RPL13: variants seen among roughly 807,000 people sequenced by gnomAD.
RPL13 encodes the protein ribosomal protein L13.
Under a neutral mutation model 21.4 loss-of-function variants are expected in RPL13, and 1 was observed. That is an observed-to-expected ratio of 0.05 (90% confidence interval 0.02 to 0.22). The LOEUF (loss-of-function observed/expected upper bound fraction) is 0.22, where lower values mean the gene tolerates loss of function less well. Ranked by LOEUF, RPL13 falls within the 10% of genes least tolerant of loss-of-function variation. RPL13 has a pLI of 1.00. For synonymous variants in RPL13, 143 were observed against 120.5 expected (o/e 1.19, Z -1.23); for missense variants, 289 against 303.0 (o/e 0.95, Z 0.34).
chr16:89,562,100 G>C (rs1021378663), intron 4 of RPL13: 1 of 593,422 alleles, frequency 1.7e-6, no homozygotes, highest in African/African-American at 1.9e-5. Flanking sequence ...TCTCTGCCCC[G>C]CCCGTGGTTC....
At chr16:89,561,544 G>C in intron 3 of RPL13, 34 bp from the exon 4 acceptor site, 1 of 1,613,270 alleles carries the variant, frequency 6.2e-7, no homozygotes, top group Non-Finnish European at 8.5e-7. Flanking sequence ...AGAAAGCCCG[G>C]GCCTGTCTCC....
chr16:89,562,104 G>T, intron 4 of RPL13: 2 of 595,936 alleles, frequency 3.4e-6, no homozygotes, highest in South Asian at 2.1e-5. Flanking sequence ...TGCCCCGCCC[G>T]TGGTTCACAG....
chr16:89,563,131 C>G lies in RPL13; in HGVS notation c.*89C>G. On this transcript the variant is annotated 3_prime_UTR_variant, in exon 6 of 6. Coordinates refer to ENST00000311528, the MANE Select transcript of RPL13 (RefSeq NM_000977.4). ...GGGAACAACTGGGCCTGGGATGGGG[C>G]TTCACTGCTGTGACTTCCTCCTGCC... The G allele has an allele frequency of 7.9e-7, 1 of 1,265,696 alleles. No homozygotes were observed. Among genetic ancestry groups the G allele is most frequent in the Non-Finnish European group, 1.0e-6 (1 of 965,352 alleles). 78.4% of individuals were successfully genotyped at this position (1,265,696 alleles called of 1,614,324 possible). A position where few individuals can be genotyped will look rare whatever the true frequency, so the allele number is the denominator to read the frequency against.
At chr16:89,566,123 G>A (rs1296144713), downstream of RPL13, 1 of 149,136 alleles carries the variant, frequency 6.7e-6, no homozygotes, top group African/African-American at 2.4e-5. Context: ...TTCATCTCTG[G>A]GGCAGCCTCC....
In RPL13 at chr16:89,563,621, G is replaced by T. The variant is rs1469248264; in HGVS notation, c.*579G>T. ...TCTTCGGCACCCAGGCTGGAGTACA[G>T]TGCCACAATCATGGCTCACTGCAGT... On this transcript the variant is annotated 3_prime_UTR_variant, in exon 6 of 6. Coordinates refer to ENST00000311528, the MANE Select transcript of RPL13 (RefSeq NM_000977.4). 1.3e-5 allele frequency: 2 copies of T among 151,056 alleles called. No homozygotes were observed. Among genetic ancestry groups the T allele is most frequent in the African/African-American group, 4.9e-5 (2 of 41,170 alleles). 9.4% of individuals were successfully genotyped at this position (151,056 alleles called of 1,614,324 possible).
rs572460923 is a variant in RPL13, at chr16:89,562,786, C to T, written c.478-98C>T. 1,803 of 1,297,084 alleles carry T rather than the reference C, an allele frequency of 1.4e-3. 6 individuals are homozygous for T. Among genetic ancestry groups the T allele is most frequent in the Middle Eastern group, 2.9e-3 (14 of 4,834 alleles). 80.3% of individuals were successfully genotyped at this position (1,297,084 alleles called of 1,614,324 possible). A position where few individuals can be genotyped will look rare whatever the true frequency, so the allele number is the denominator to read the frequency against. Reference sequence around the variant, plus strand: ...GCAGTACTTATGGCAGCGAACCTGACCCCCAATCCCCGGGAGGTCCTCCAG... The same window carrying T: ...GCAGTACTTATGGCAGCGAACCTGATCCCCAATCCCCGGGAGGTCCTCCAG... On this transcript the variant is annotated intron_variant, in intron 5 of 5. Transcript: ENST00000311528.
In RPL13 at chr16:89,561,067, A is replaced by G. The variant is rs1196275301; in HGVS notation, c.104+4A>G. ...AGCCGGCCCGTAAGATCCGCAGGTG[A>G]GCCCTGCGCTCGGGGCTGCCCCTGG... On this transcript the variant is annotated splice_donor_region_variant and intron_variant, in intron 2 of 5. Transcript: ENST00000311528. 5 of 1,602,550 alleles carry G rather than the reference A, an allele frequency of 3.1e-6. No homozygotes were observed. The highest frequency in any genetic ancestry group is 1.4e-5 in the African/African-American group (1 of 73,348).
Position 89,563,051 on chromosome 16 carries a change from T to C in RPL13, c.*9T>C. ...TTGAAAAGAAAAAATAAAGCCCTCC[T>C]GGGGACTTGGAATCAGTCGGCAGTC... On this transcript the variant is annotated 3_prime_UTR_variant, in exon 6 of 6. Coordinates refer to ENST00000311528, the MANE Select transcript of RPL13 (RefSeq NM_000977.4). The C allele has an allele frequency of 6.7e-7, 1 of 1,500,316 alleles. No homozygotes were observed. The highest frequency in any genetic ancestry group is 8.9e-7 in the Non-Finnish European group (1 of 1,122,198). The allele number at this position is 1,500,316 out of a possible 1,614,324, so 92.9% of individuals were successfully genotyped here. A position where few individuals can be genotyped will look rare whatever the true frequency, so the allele number is the denominator to read the frequency against.
At position 89,561,276 on chromosome 16, in the gene RPL13, T is replaced by C; in HGVS notation, c.154T>C (p.Ser52Pro). 2.6e-6 allele frequency: 4 copies of C among 1,560,650 alleles called. No homozygotes were observed. The highest frequency in any genetic ancestry group is 3.5e-6 in the Non-Finnish European group (4 of 1,158,206). The part of the protein sequence containing the change: ...KARRIAPRPA[S>P]GPIRPIVRCP... Reference sequence around the variant, plus strand: ...GCGCCGCATCGCCCCGCGCCCCGCGTCGGGTCCCATCCGGCCCATCGTGCG... The same window carrying C: ...GCGCCGCATCGCCCCGCGCCCCGCGCCGGGTCCCATCCGGCCCATCGTGCG... Residue 52 changes from serine to proline, a missense_variant, in exon 3 of 6, where the codon TCG becomes CCG. Transcript: ENST00000311528.
rs779021877 is a variant in RPL13, at chr16:89,561,082, G to T, written c.104+19G>T. ...TCCGCAGGTGAGCCCTGCGCTCGGG[G>T]CTGCCCCTGGGGCTCGTGCCCGCGG... On this transcript the variant is annotated intron_variant, in intron 2 of 5. Coordinates refer to ENST00000311528, the MANE Select transcript of RPL13 (RefSeq NM_000977.4). 1 of 1,592,784 alleles carries T rather than the reference G, an allele frequency of 6.3e-7. No individual in the cohort carries two copies. Among genetic ancestry groups the T allele is most frequent in the Admixed American group, 1.7e-5 (1 of 58,032 alleles).
At chr16:89,561,150 G>C (rs1286206697) in intron 2 of RPL13, 77 bp from the exon 3 acceptor site, 6 of 1,513,054 alleles carry the variant, frequency 4.0e-6, no homozygotes, top group Non-Finnish European at 5.3e-6. Context: ...GGCGGGGGGC[G>C]CTGTCTGCAA....
intron 4 of RPL13, 149 bp downstream of exon 4, chr16:89,561,900 T>C (rs2058747831): frequency 2.2e-6 from 2 of 889,940 alleles, no homozygotes; most frequent in East Asian, 5.3e-5. Context: ...AAGGTTCACC[T>C]GTGCGTTTCC....
At chr16:89,561,185 G>T (rs2058741018) in intron 2 of RPL13, 42 bp from the exon 3 acceptor site, 1 of 1,520,028 alleles carries the variant, frequency 6.6e-7, no homozygotes. Context: ...TGGCCTGGCG[G>T]CCTTAGGCAA....
downstream of RPL13, chr16:89,565,450 C>T (rs970086126): frequency 2.0e-4 from 31 of 152,294 alleles, no homozygotes; most frequent in African/African-American, 5.5e-4. Context: ...ACACTCAGTC[C>T]TTGTAGCTGG....
intron 5 of RPL13, 157 bp downstream of exon 5, chr16:89,562,548 T>A (rs998262558): frequency 4.5e-6 from 3 of 671,738 alleles, no homozygotes; most frequent in Admixed American, 3.6e-5. Flanking sequence ...TTCTTAGTTT[T>A]TACTTCTTGC....
At position 89,560,716 on chromosome 16, in the gene RPL13, A is replaced by T. The variant is rs1409168930; in HGVS notation, c.-21+4A>T. The T allele has an allele frequency of 2.2e-6, 1 of 453,774 alleles. No homozygotes were observed. Among genetic ancestry groups the T allele is most frequent in the Non-Finnish European group, 3.9e-6 (1 of 257,124 alleles). The allele number at this position is 453,774 out of a possible 1,614,324, so 28.1% of individuals were successfully genotyped here. A position where few individuals can be genotyped will look rare whatever the true frequency, so the allele number is the denominator to read the frequency against. Reference sequence around the variant, plus strand: ...CGGCTGTTTTCCTGCGCAGGAGGTGAGGGAGACTGGGTCCTGGCCTTTGGG... The same window carrying T: ...CGGCTGTTTTCCTGCGCAGGAGGTGTGGGAGACTGGGTCCTGGCCTTTGGG... On this transcript the variant is annotated splice_donor_region_variant and intron_variant, in intron 1 of 5. Coordinates refer to ENST00000311528, the MANE Select transcript of RPL13 (RefSeq NM_000977.4).
rs1362938021 is a variant in RPL13, at chr16:89,562,934, C to G, written c.528C>G (p.Phe176Leu). 1 of 1,596,148 alleles carries G rather than the reference C, an allele frequency of 6.3e-7. No homozygotes were observed. The highest frequency in any genetic ancestry group is 8.5e-7 in the Non-Finnish European group (1 of 1,172,986). ...TCATCACTGAGGAAGAGAAGAATTT[C>G]AAAGCCTTCGCTAGTCTCCGTATGG... is the stretch of plus-strand genomic sequence containing the variant. Reference protein sequence around the residue: ...ARVITEEEKNFKAFASLRMAR... With the variant: ...ARVITEEEKNLKAFASLRMAR... Residue 176 changes from phenylalanine (F) to leucine (L), a missense_variant, in exon 6 of 6, where the codon TTC becomes TTG. Coordinates refer to ENST00000311528, the MANE Select transcript of RPL13 (RefSeq NM_000977.4).
rs2058741304 is a variant in RPL13, at chr16:89,561,212, G to T, written c.105-15G>T. On this transcript the variant is annotated splice_polypyrimidine_tract_variant and intron_variant, in intron 2 of 5. Transcript: ENST00000311528. ...CTTAGGCAAGGGTGACCGCCGCTGC[G>T]CTTCTCTCCACCAGACGTAAGGCCC... 2.6e-6 allele frequency: 4 copies of T among 1,537,490 alleles called. No individual in the cohort carries two copies. Among genetic ancestry groups the T allele is most frequent in the South Asian group, 1.2e-5 (1 of 84,474 alleles).
At position 89,562,387 on chromosome 16, in the gene RPL13, G is replaced by A. The variant is rs770285118; in HGVS notation, c.473G>A (p.Arg158Gln). The A allele has an allele frequency of 2.2e-5, 35 of 1,611,114 alleles. No individual in the cohort carries two copies. The highest frequency in any genetic ancestry group is 1.9e-4 in the South Asian group (17 of 90,438). Residue 158 changes from arginine to glutamine, a missense_variant, in exon 5 of 6, where the codon CGG becomes CAG. Transcript: ENST00000311528. The stretch of plus-strand genomic sequence containing the variant: ...CTGACCGGACCGGTCATGCCCGTCC[G>A]GAACGTAAGTGAACACTTACTCAAA... Reference protein sequence around the residue: ...TQLTGPVMPVRNVYKKEKARV... With the variant: ...TQLTGPVMPVQNVYKKEKARV...
Sources: allele counts gnomAD v4.1 joint callset, GRCh38; gene constraint gnomAD v4.1.1; transcripts MANE v1.5; gene names NCBI Gene and HGNC (gene_info 2026-07-23, HGNC 2026-07-21).